Variants in NAB1 observed in about 807,000 individuals in gnomAD.
NAB1 encodes the protein NGFI-A binding protein 1.
Under a neutral mutation model 49.9 loss-of-function variants are expected in NAB1, and 25 were observed. That is an observed-to-expected ratio of 0.50 (90% CI 0.37 to 0.70). The LOEUF (loss-of-function observed/expected upper bound fraction) is 0.70. Among genes scored for constraint, NAB1 ranks in the 30% least tolerant of loss-of-function variants. The pLI is 0.00. For missense variants in NAB1, 489 were observed against 575.9 expected (o/e 0.85, Z 1.54); for synonymous variants, 198 against 215.6 (o/e 0.92, Z 0.71).
Position 190,663,027 on chromosome 2 carries a change from A to G in NAB1, c.819+3032A>G, listed in dbSNP as rs1048142053. 2.0e-5 allele frequency among the ~76,000 whole-genome samples: 3 copies of G among 152,200 alleles called. No individual in the cohort carries two copies. Among genetic ancestry groups the G allele is most frequent in the Non-Finnish European group, 2.9e-5 (2 of 68,030 alleles). On this transcript the variant is annotated intron_variant, in intron 4 of 9. Coordinates refer to ENST00000337386, the MANE Select transcript of NAB1 (RefSeq NM_005966.4). The surrounding 1 kb of genome is among the most constrained non-coding windows in gnomAD (Gnocchi z 4.2). Reference sequence around the variant, plus strand: ...CAATTTCACCTTTGAGAGAGGAGGAATGCTGAATCTGAGAACCGCATAAAC... The same window carrying G: ...CAATTTCACCTTTGAGAGAGGAGGAGTGCTGAATCTGAGAACCGCATAAAC...
At chr2:190,658,985 G>A (rs1694076717) in intron 3 of NAB1, 173 bp from the exon 4 acceptor site, 1 of 549,636 alleles carries the variant, frequency 1.8e-6, no homozygotes, top group Non-Finnish European at 3.2e-6. Flanking sequence ...GACCTATAAG[G>A]TTTTTAGGAG....
Position 190,680,238 on chromosome 2 carries a change from T to C in NAB1, c.1006-3500T>C, listed in dbSNP as rs867510508. 2.4e-4 allele frequency among the ~76,000 whole-genome samples: 36 copies of C among 152,354 alleles called. No homozygotes were observed. The highest frequency in any genetic ancestry group is 8.7e-4 in the African/African-American group (36 of 41,580). On this transcript the variant is annotated intron_variant, in intron 6 of 9. Transcript: ENST00000337386. This position sits in a 1 kb window ranked among gnomAD's most constrained non-coding sequence, Gnocchi z 5.2. ...TCCCTGAGACTTTCAATGGCTTCTC[T>C]TTGTATTTAAGATAAGATCTAAAAT...
rs377567918 is a variant in NAB1, at chr2:190,675,857, G to A, written c.1005+2705G>A. 7.2e-5 allele frequency among the ~76,000 whole-genome samples: 11 copies of A among 152,204 alleles called. No homozygotes were observed. The highest frequency in any genetic ancestry group is 1.3e-4 in the Admixed American group (2 of 15,294). The stretch of plus-strand genomic sequence containing the variant: ...TGCAGGTCATCAGTATCTCTTGAAC[G>A]TGTGTGTGTCTTGTGTGTATGTATA... On this transcript the variant is annotated intron_variant, in intron 6 of 9. Transcript: ENST00000337386. The surrounding 1 kb of genome is among the most constrained non-coding windows in gnomAD (Gnocchi z 5.2).
At chr2:190,687,441 A>G (rs966801311) in intron 9 of NAB1, 124 bp downstream of exon 9, 5 of 601,782 alleles carry the variant, frequency 8.3e-6, no homozygotes, top group African/African-American at 2.0e-5. Flanking sequence ...CAGTGTTCCT[A>G]CAGGTTGAGT....
chr2:190,664,079 T>A (rs910686271), intron 4 of NAB1, among the ~76,000 whole-genome samples: 1 of 152,126 alleles, frequency 6.6e-6, no homozygotes, highest in Non-Finnish European at 1.5e-5. Context: ...GTTAGTAGAG[T>A]GTTCTATATG....
At chr2:190,665,716 C>T (rs1375701515) in intron 4 of NAB1, among the ~76,000 whole-genome samples, 1 of 152,194 alleles carries the variant, frequency 6.6e-6, no homozygotes, top group East Asian at 1.9e-4. Context: ...AAATTCTCAG[C>T]CCACTTAGTG....
chr2:190,656,957 T>A (rs1487764604), intron 3 of NAB1, among the ~76,000 whole-genome samples: 2 of 152,194 alleles, frequency 1.3e-5, no homozygotes, highest in East Asian at 3.8e-4. Flanking sequence ...GTGTGTGTAC[T>A]ACTGAGAAGC....
intron 4 of NAB1, among the ~76,000 whole-genome samples, chr2:190,662,509 C>G (rs1261249805): frequency 6.6e-6 from 1 of 151,890 alleles, no homozygotes; most frequent in Non-Finnish European, 1.5e-5. Flanking sequence ...ACACACCTTG[C>G]TGGTGTTCGG....
Position 190,685,463 on chromosome 2 carries a change from C to T in NAB1, c.1096-13C>T, listed in dbSNP as rs1338065570. On this transcript the variant is annotated splice_polypyrimidine_tract_variant and intron_variant, in intron 7 of 9. Transcript: ENST00000337386. The surrounding 1 kb of genome is among the most constrained non-coding windows in gnomAD (Gnocchi z 4.5). Reference sequence around the variant, plus strand: ...GTTTCAGTTACTGATTTGATTTTTGCTTTACTTACTAGCAGCCTGAAAAGG... The same window carrying T: ...GTTTCAGTTACTGATTTGATTTTTGTTTTACTTACTAGCAGCCTGAAAAGG... The T allele has an allele frequency of 1.3e-6, 2 of 1,590,328 alleles. No individual in the cohort carries two copies. The highest frequency in any genetic ancestry group is 1.8e-5 in the Admixed American group (1 of 55,236).
chr2:190,651,093 A>G lies in NAB1; in HGVS notation c.-197+1111A>G, dbSNP rs1693643586. ...TCAATAATAATGTAATAATGACAAC[A>G]TTGAGGAACTGTAGATTTTTATTTT... On this transcript the variant is annotated intron_variant, in intron 2 of 9. Coordinates refer to ENST00000337386, the MANE Select transcript of NAB1 (RefSeq NM_005966.4). This position sits in a 1 kb window ranked among gnomAD's most constrained non-coding sequence, Gnocchi z 4.3. Among the ~76,000 whole-genome samples, 1 of 152,222 alleles carries G rather than the reference A, an allele frequency of 6.6e-6. No homozygotes were observed. The highest frequency in any genetic ancestry group is 2.1e-4 in the South Asian group (1 of 4,838).
chr2:190,682,549 T>G lies in NAB1; in HGVS notation c.1006-1189T>G, dbSNP rs1041720280. Among the ~76,000 whole-genome samples, 1 of 152,224 alleles carries G rather than the reference T, an allele frequency of 6.6e-6. No individual in the cohort carries two copies. The highest frequency in any genetic ancestry group is 1.9e-4 in the East Asian group (1 of 5,198). On this transcript the variant is annotated intron_variant, in intron 6 of 9. Coordinates refer to ENST00000337386, the MANE Select transcript of NAB1 (RefSeq NM_005966.4). This position sits in a 1 kb window ranked among gnomAD's most constrained non-coding sequence, Gnocchi z 4.1. ...AGTTTGGATCGTTAGCCACATTTCATGTAACAAAATTAATTTCAGATAGGT... is the reference window on the plus strand; with the variant it reads ...AGTTTGGATCGTTAGCCACATTTCAGGTAACAAAATTAATTTCAGATAGGT...
intron 4 of NAB1, among the ~76,000 whole-genome samples, chr2:190,662,711 A>C (rs984863966): frequency 1.3e-5 from 2 of 152,234 alleles, no homozygotes; most frequent in Non-Finnish European, 1.5e-5. Context: ...GAGAATGTAG[A>C]AACTTGTAAT....
chr2:190,678,403 A>G lies in NAB1; in HGVS notation c.1005+5251A>G, dbSNP rs566207434. ...TAACATCTTAGAAGGGAGGAAGGATATATAAAGCTACAGTCTCAGACCTGG... is the reference window on the plus strand; with the variant it reads ...TAACATCTTAGAAGGGAGGAAGGATGTATAAAGCTACAGTCTCAGACCTGG... On this transcript the variant is annotated intron_variant, in intron 6 of 9. Coordinates refer to ENST00000337386, the MANE Select transcript of NAB1 (RefSeq NM_005966.4). The surrounding 1 kb of genome is among the most constrained non-coding windows in gnomAD (Gnocchi z 4.9). 2.9e-4 allele frequency among the ~76,000 whole-genome samples: 44 copies of G among 152,360 alleles called. No individual in the cohort carries two copies. The highest frequency in any genetic ancestry group is 9.6e-4 in the African/African-American group (40 of 41,594).
intron 4 of NAB1, among the ~76,000 whole-genome samples, chr2:190,661,047 C>T (rs902576889): frequency 6.6e-6 from 1 of 151,848 alleles, no homozygotes. Flanking sequence ...CCCTGCTCAG[C>T]CTCTTGAGTA....
At position 190,687,869 on chromosome 2, in the gene NAB1, A is replaced by G. The variant is rs566083546; in HGVS notation, c.1375+552A>G. Among the ~76,000 whole-genome samples the G allele has an allele frequency of 1.7e-3, 260 of 152,294 alleles. 1 individual carries two copies. The highest frequency in any genetic ancestry group is 5.9e-3 in the African/African-American group (244 of 41,568). Reference sequence around the variant, plus strand: ...TTACTACCTTTTTTGGCAATAACATAATATGAAATTGATGGACTACATGTT... The same window carrying G: ...TTACTACCTTTTTTGGCAATAACATGATATGAAATTGATGGACTACATGTT... On this transcript the variant is annotated intron_variant, in intron 9 of 9. Coordinates refer to ENST00000337386, the MANE Select transcript of NAB1 (RefSeq NM_005966.4).
chr2:190,674,848 C>T lies in NAB1; in HGVS notation c.1005+1696C>T, dbSNP rs1023965162. ...GAAGGATTGCTTGAGCTCAGGAGGT[C>T]GAGACCAGCCTGGGCAACATGGGGA... On this transcript the variant is annotated intron_variant, in intron 6 of 9. Transcript: ENST00000337386. This position sits in a 1 kb window ranked among gnomAD's most constrained non-coding sequence, Gnocchi z 5.7. Among the ~76,000 whole-genome samples the T allele has an allele frequency of 2.6e-5, 4 of 152,102 alleles. No individual in the cohort carries two copies. Among genetic ancestry groups the T allele is most frequent in the South Asian group, 2.1e-4 (1 of 4,824 alleles).
rs1253492878 is a variant in NAB1, at chr2:190,689,054, C to G, written c.1376-1191C>G. On this transcript the variant is annotated intron_variant, in intron 9 of 9. Coordinates refer to ENST00000337386, the MANE Select transcript of NAB1 (RefSeq NM_005966.4). This position sits in a 1 kb window ranked among gnomAD's most constrained non-coding sequence, Gnocchi z 4.3. ...GGGGTTTTACCGTGGTCTCAATCTC[C>G]TGACCTTGTGATCCGCCCGCCTCGG... Among the ~76,000 whole-genome samples the G allele has an allele frequency of 5.9e-5, 9 of 152,018 alleles. No individual in the cohort carries two copies. The highest frequency in any genetic ancestry group is 1.2e-4 in the Non-Finnish European group (8 of 67,978).
At position 190,657,807 on chromosome 2, in the gene NAB1, G is replaced by A. The variant is rs1051585590; in HGVS notation, c.-19-1351G>A. Among the ~76,000 whole-genome samples, 28 of 152,310 alleles carry A rather than the reference G, an allele frequency of 1.8e-4. No individual in the cohort carries two copies. In the East Asian group the frequency reaches 5.2e-3, roughly 28 times the overall value. On this transcript the variant is annotated intron_variant, in intron 3 of 9. Transcript: ENST00000337386. The surrounding 1 kb of genome is among the most constrained non-coding windows in gnomAD (Gnocchi z 4.4). ...ATAAAACAAAAGTCCCAAGTTCAGT[G>A]ACTTCTTGGCTTTCAGGGACGTCCC...
Position 190,674,044 on chromosome 2 carries a change from A to G in NAB1, c.1005+892A>G, listed in dbSNP as rs1048861007. Among the ~76,000 whole-genome samples, 23 of 152,184 alleles carry G rather than the reference A, an allele frequency of 1.5e-4. No homozygotes were observed. The highest frequency in any genetic ancestry group is 1.3e-4 in the Non-Finnish European group (9 of 68,028). On this transcript the variant is annotated intron_variant, in intron 6 of 9. Transcript: ENST00000337386. The surrounding 1 kb of genome is among the most constrained non-coding windows in gnomAD (Gnocchi z 5.7). ...TGCTTGACCACCCTAAATTTCTGTCATCAGTTATATCTACAGAGTATCTAT... is the reference window on the plus strand; with the variant it reads ...TGCTTGACCACCCTAAATTTCTGTCGTCAGTTATATCTACAGAGTATCTAT...
Sources: allele counts gnomAD v4.1 joint callset (sites outside exome capture counted in the v4.1 genomes callset), GRCh38; gene constraint gnomAD v4.1.1; non-coding constraint Gnocchi (gnomAD v3.1); transcripts MANE v1.5; gene names NCBI Gene and HGNC (gene_info 2026-07-23, HGNC 2026-07-21).